Variants in GTF2B observed in about 807,000 individuals in gnomAD.
GTF2B encodes general transcription factor IIB, also known as transcription initiation factor IIB.
A neutral mutation model predicts 34.6 loss-of-function variants in GTF2B; 20 were observed. The ratio of observed to expected loss-of-function variants is 0.58; its 90% CI spans 0.41 to 0.84. The LOEUF is 0.84. GTF2B is among the 40% of genes least tolerant of loss of function. The pLI is 0.00. For missense variants in GTF2B, 237 were observed against 393.3 expected (o/e 0.60, Z 3.36); for synonymous variants, 142 against 132.4 (o/e 1.07, Z -0.50).
Position 88,884,024 on chromosome 1 carries a change from T to A in GTF2B, c.124+3237A>T, listed in dbSNP as rs1305503602. On this transcript the variant is annotated intron_variant, in intron 2 of 6. Transcript: ENST00000370500. ...TTCTTCTGTCAAGCTCAGCACTGACTTTTTTTTTTTTTTTTTTTTTTGAGA... is the reference window on the plus strand; with the variant it reads ...TTCTTCTGTCAAGCTCAGCACTGACATTTTTTTTTTTTTTTTTTTTTGAGA... 5.3e-5 allele frequency among the ~76,000 whole-genome samples: 3 copies of A among 56,572 alleles called. No individual in the cohort carries two copies. The Admixed American group carries it at 5.8e-4, about 11-fold the overall frequency. 37.1% of individuals were successfully genotyped at this position (56,572 alleles called of 152,430 possible). A position where few individuals can be genotyped will look rare whatever the true frequency, so the allele number is the denominator to read the frequency against.
At chr1:88,880,040 C>A (rs779192500) in intron 2 of GTF2B, among the ~76,000 whole-genome samples, 5 of 151,708 alleles carry the variant, frequency 3.3e-5, no homozygotes, top group Non-Finnish European at 7.4e-5. Context: ...GCCTGGGCGA[C>A]AGAGCAAGAC....
rs7414521 is a variant in GTF2B, at chr1:88,856,561, C to T, written c.817+645G>A. ...AAACAAAGCATGGCCTCCCTGACCC[C>T]TAAGATTTAAAAAGGTAAGTTTGGA... On this transcript the variant is annotated intron_variant, in intron 6 of 6. Coordinates refer to ENST00000370500, the MANE Select transcript of GTF2B (RefSeq NM_001514.6). 2.6e-5 allele frequency among the ~76,000 whole-genome samples: 4 copies of T among 151,970 alleles called. No individual in the cohort carries two copies. In the South Asian group the frequency reaches 8.3e-4, roughly 32 times the overall value.
chr1:88,857,839 A>G (rs1462042617), intron 5 of GTF2B, among the ~76,000 whole-genome samples: 1 of 151,588 alleles, frequency 6.6e-6, no homozygotes, highest in Non-Finnish European at 1.5e-5. Flanking sequence ...GCACCACCAC[A>G]CCTGGCTAAC....
intron 2 of GTF2B, among the ~76,000 whole-genome samples, chr1:88,872,113 T>C (rs189525396): frequency 1.3e-5 from 2 of 152,252 alleles, no homozygotes; most frequent in East Asian, 1.9e-4. Context: ...ATTTCAGCAA[T>C]TGTCACAGAG....
intron 5 of GTF2B, among the ~76,000 whole-genome samples, chr1:88,857,791 C>G (rs894505993): frequency 2.7e-5 from 4 of 150,542 alleles, no homozygotes; most frequent in African/African-American, 9.8e-5. Flanking sequence ...AAGTGATTCT[C>G]CTGCCTCAGC....
intron 1 of GTF2B, among the ~76,000 whole-genome samples, chr1:88,890,238 G>A (rs1252442623): frequency 6.6e-6 from 1 of 151,000 alleles, no homozygotes; most frequent in Non-Finnish European, 1.5e-5. Context: ...TACCTACAAG[G>A]AGGCCTTACC....
intron 2 of GTF2B, among the ~76,000 whole-genome samples, chr1:88,886,147 T>C (rs1674063771): frequency 6.6e-6 from 1 of 152,194 alleles, no homozygotes; most frequent in Admixed American, 6.5e-5. Context: ...CAGAATACGG[T>C]TGCAAATGAT....
chr1:88,855,785 A>G (rs764912047), intron 6 of GTF2B, among the ~76,000 whole-genome samples: 4 of 151,734 alleles, frequency 2.6e-5, no homozygotes, highest in Non-Finnish European at 5.9e-5. Flanking sequence ...CTCCCTACTA[A>G]ATGGGATTCA....
chr1:88,870,743 CTCT>C (rs1673673058), intron 2 of GTF2B, among the ~76,000 whole-genome samples: 1 of 152,048 alleles, frequency 6.6e-6, no homozygotes, highest in African/African-American at 2.4e-5. Context: ...CAAAACAGTG[CTCT>C]TGATTTTAAA....
chr1:88,884,580 T>C (rs924582671), intron 2 of GTF2B, among the ~76,000 whole-genome samples: 1 of 152,376 alleles, frequency 6.6e-6, no homozygotes, highest in African/African-American at 2.4e-5. Context: ...GGTAAATGGC[T>C]TTCCTTGCTT....
At chr1:88,871,318 A>G (rs1673688816) in intron 2 of GTF2B, among the ~76,000 whole-genome samples, 1 of 152,206 alleles carries the variant, frequency 6.6e-6, no homozygotes, top group African/African-American at 2.4e-5. Flanking sequence ...TTAAAAGCTC[A>G]GTGGCTTAAA....
chr1:88,887,590 G>A, intron 1 of GTF2B: 1 of 454,290 alleles, frequency 2.2e-6, no homozygotes, highest in African/African-American at 2.0e-5. Context: ...TTTTATTGTG[G>A]AAGGCTTTCA....
intron 2 of GTF2B, among the ~76,000 whole-genome samples, chr1:88,878,610 G>A (rs113525427): frequency 2.6e-5 from 4 of 152,292 alleles, no homozygotes; most frequent in African/African-American, 9.6e-5. Flanking sequence ...CTTCTGCAAT[G>A]TGACCTCGTC....
intron 5 of GTF2B, among the ~76,000 whole-genome samples, chr1:88,858,397 A>G (rs137874655): frequency 4.5e-4 from 69 of 152,340 alleles, no homozygotes; most frequent in African/African-American, 1.5e-3. Context: ...TTTATGTATT[A>G]ATCTGTTGTA....
chr1:88,882,065 G>A (rs1043716841), intron 2 of GTF2B, among the ~76,000 whole-genome samples: 1 of 151,938 alleles, frequency 6.6e-6, no homozygotes. Flanking sequence ...AACTCAGAAC[G>A]CTGGGAGGTC....
rs766786146 is a variant in GTF2B, at chr1:88,852,907, G to A, written c.*306C>T. The A allele has an allele frequency of 3.9e-5, 11 of 283,284 alleles. No homozygotes were observed. The highest frequency in any genetic ancestry group is 6.0e-5 in the Non-Finnish European group (9 of 148,794). 17.5% of individuals were successfully genotyped at this position (283,284 alleles called of 1,614,324 possible). A position where few individuals can be genotyped will look rare whatever the true frequency, so the allele number is the denominator to read the frequency against. On this transcript the variant is annotated 3_prime_UTR_variant, in exon 7 of 7. Coordinates refer to ENST00000370500, the MANE Select transcript of GTF2B (RefSeq NM_001514.6). ...CATTATTTGTAATTATGTATCATAA[G>A]TTACATGTAACATATAACAAAAACT...
At chr1:88,873,116 T>C (rs1338120391) in intron 2 of GTF2B, among the ~76,000 whole-genome samples, 1 of 151,824 alleles carries the variant, frequency 6.6e-6, no homozygotes, top group African/African-American at 2.4e-5. Flanking sequence ...TTATGGGCAT[T>C]AGCACAGTCC....
chr1:88,856,860 G>A (rs1673324233), intron 6 of GTF2B, among the ~76,000 whole-genome samples: 1 of 146,460 alleles, frequency 6.8e-6, no homozygotes, highest in African/African-American at 2.5e-5. Context: ...GGAGTGCAAT[G>A]GCACAATCTC....
chr1:88,854,003 G>C (rs537157874), intron 6 of GTF2B, among the ~76,000 whole-genome samples: 1 of 152,096 alleles, frequency 6.6e-6, no homozygotes, highest in African/African-American at 2.4e-5. Flanking sequence ...ATAGTGTTCA[G>C]GTCTTAGTAT....
Sources: gnomAD v4.1 joint callset for allele counts (sites outside exome capture counted in the v4.1 genomes callset) on GRCh38, gnomAD v4.1.1 for gene constraint, MANE v1.5 for transcripts, NCBI Gene and HGNC (gene_info 2026-07-23, HGNC 2026-07-21) for gene names.